AGPS: variants seen among roughly 807,000 people sequenced by gnomAD.
AGPS encodes the protein alkyldihydroxyacetonephosphate synthase, peroxisomal.
AGPS carries 26 observed loss-of-function variants against 90.7 expected under a neutral mutation model. The observed-to-expected ratio is 0.29, with a 90% CI of 0.21 to 0.40. The LOEUF (loss-of-function observed/expected upper bound fraction) is 0.40. Ranked by LOEUF, AGPS falls within the 10% of genes least tolerant of loss-of-function variation. AGPS has a pLI of 1.00. For missense variants in AGPS, 540 were observed against 816.1 expected, an observed-to-expected ratio of 0.66 and a Z score of 4.12; for synonymous variants, 294 against 285.3, an observed-to-expected ratio of 1.03 and a Z score of -0.31.
intron 11 of AGPS, among the ~76,000 whole-genome samples, chr2:177,488,216 CT>C (rs772897996): frequency 1.0e-3 from 146 of 143,588 alleles, no homozygotes; most frequent in Non-Finnish European, 1.1e-3. Flanking sequence ...CTTTTTTGAA[CT>C]TTTTTTTTTT....
chr2:177,432,175 C>T (rs1686262898), intron 2 of AGPS, among the ~76,000 whole-genome samples: 1 of 152,152 alleles, frequency 6.6e-6, no homozygotes, highest in Admixed American at 6.5e-5. Flanking sequence ...TTTTTTCTTT[C>T]CATGTAGAAT....
chr2:177,393,142 A>G, intron 1 of AGPS, 93 bp downstream of exon 1: 5 of 1,549,074 alleles, frequency 3.2e-6, no homozygotes, highest in Non-Finnish European at 4.4e-6. Context: ...GGGAAGTGAC[A>G]CGGGTGGGCG....
At chr2:177,522,972 C>A (rs1398865537) in intron 18 of AGPS, among the ~76,000 whole-genome samples, 1 of 152,150 alleles carries the variant, frequency 6.6e-6, no homozygotes, top group Non-Finnish European at 1.5e-5. Context: ...TTTTACAGTG[C>A]TCTTTAGTCA....
At chr2:177,441,540 G>A (rs1231864458) in intron 6 of AGPS, 1 of 154,700 alleles carries the variant, frequency 6.5e-6, no homozygotes, top group Non-Finnish European at 1.4e-5. Flanking sequence ...AAATGACTGT[G>A]ACAAGCAAAT....
intron 9 of AGPS, among the ~76,000 whole-genome samples, chr2:177,463,490 A>T (rs902756006): frequency 6.6e-6 from 1 of 152,178 alleles, no homozygotes; most frequent in Admixed American, 6.5e-5. Context: ...GGAGCTATTT[A>T]GCTTTGCTTT....
In AGPS at chr2:177,440,998, T is replaced by C; in HGVS notation, c.671T>C (p.Leu224Pro). The part of the protein sequence containing the change: ...CHDDVVKIVN[L>P]ACKYNLCIIP... Reference sequence around the variant, plus strand: ...GATGATGTAGTTAAGATTGTGAATCTAGCTTGCAAATATAATCTTTGTATC... The same window carrying C: ...GATGATGTAGTTAAGATTGTGAATCCAGCTTGCAAATATAATCTTTGTATC... The change falls in exon 6 of 20, where the codon CTA becomes CCA. Residue 224 changes from leucine to proline, a missense_variant. This residue lies in a region of AGPS where 405 missense variants were observed against 692.1 expected (regional missense o/e 0.59). Transcript: ENST00000264167. 1 of 1,613,072 alleles carries C rather than the reference T, an allele frequency of 6.2e-7. No homozygotes were observed. Among genetic ancestry groups the C allele is most frequent in the Non-Finnish European group, 8.5e-7 (1 of 1,179,388 alleles).
rs550935182 is a variant in AGPS at position 177,461,713 on chromosome 2, T to TA, written c.871-173dup. ...TAACATTTTCCACTAGGCAAAAGCT[T>TA]AAAAAAATTTTTAGGACTAGTGTGA... On this transcript the variant is annotated intron_variant, in intron 8 of 19. Coordinates refer to ENST00000264167, the MANE Select transcript of AGPS (RefSeq NM_003659.4). 9.2e-5 allele frequency among the ~76,000 whole-genome samples: 14 copies of TA among 151,738 alleles called. No homozygotes were observed. The South Asian group carries it at 1.9e-3, about 20-fold the overall frequency.
chr2:177,482,991 A>G (rs1176220906), intron 11 of AGPS, among the ~76,000 whole-genome samples: 1 of 151,940 alleles, frequency 6.6e-6, no homozygotes, highest in African/African-American at 2.4e-5. Flanking sequence ...TCTTTCTTCA[A>G]ACTCCTGAAA....
intron 1 of AGPS, among the ~76,000 whole-genome samples, chr2:177,396,680 A>T (rs1358758213): frequency 1.3e-5 from 2 of 152,228 alleles, no homozygotes; most frequent in Non-Finnish European, 2.9e-5. Flanking sequence ...TTAAACTAAG[A>T]TGATGGCAAT....
chr2:177,489,872 C>G (rs1033538370), intron 11 of AGPS, among the ~76,000 whole-genome samples: 1 of 152,178 alleles, frequency 6.6e-6, no homozygotes, highest in East Asian at 1.9e-4. Flanking sequence ...TATTCCCTCT[C>G]AGGTTAGTTT....
chr2:177,415,850 A>G (rs1685770997), intron 1 of AGPS, among the ~76,000 whole-genome samples: 1 of 152,064 alleles, frequency 6.6e-6, no homozygotes, highest in Non-Finnish European at 1.5e-5. Context: ...CTAGGAAATC[A>G]CAATATTATC....
chr2:177,398,372 A>G (rs1037002018), intron 1 of AGPS, among the ~76,000 whole-genome samples: 1 of 152,228 alleles, frequency 6.6e-6, no homozygotes, highest in Non-Finnish European at 1.5e-5. Flanking sequence ...GCTTATGTAC[A>G]TTATGTCATT....
intron 1 of AGPS, among the ~76,000 whole-genome samples, chr2:177,418,796 CAAA>C (rs774998559): frequency 7.5e-6 from 1 of 132,960 alleles, no homozygotes. Flanking sequence ...GTTTTGGCAC[CAAA>C]AAAAAAAAAA....
intron 2 of AGPS, among the ~76,000 whole-genome samples, chr2:177,424,010 C>T (rs527326904): frequency 4.6e-5 from 7 of 152,116 alleles, no homozygotes; most frequent in Admixed American, 3.3e-4. Flanking sequence ...CATAGCTAAA[C>T]GTGTGACATG....
intron 1 of AGPS, among the ~76,000 whole-genome samples, chr2:177,401,057 T>C (rs1305476778): frequency 6.6e-6 from 1 of 152,230 alleles, no homozygotes; most frequent in Non-Finnish European, 1.5e-5. Context: ...CCAGTAGAGC[T>C]TTCTGTGATA....
At chr2:177,482,957 T>A (rs1573998728) in intron 11 of AGPS, among the ~76,000 whole-genome samples, 1 of 152,180 alleles carries the variant, frequency 6.6e-6, no homozygotes, top group East Asian at 1.9e-4. Flanking sequence ...GTCAAGGGAA[T>A]GTACTCTAGC....
rs896912370 is a variant in AGPS at position 177,528,964 on chromosome 2, T to C, written c.1855+5159T>C. ...TCTGCCTCCCGGGTTCAAGCTATTC[T>C]CCTGCCTCAGCCTCCCGAGTAGCTG... On this transcript the variant is annotated intron_variant, in intron 19 of 19. Coordinates refer to ENST00000264167, the MANE Select transcript of AGPS (RefSeq NM_003659.4). 6.7e-5 allele frequency among the ~76,000 whole-genome samples: 10 copies of C among 148,716 alleles called. No individual in the cohort carries two copies. The East Asian group carries it at 2.1e-3, about 31-fold the overall frequency.
At chr2:177,443,389 T>G (rs1686671950) in intron 7 of AGPS, among the ~76,000 whole-genome samples, 1 of 152,228 alleles carries the variant, frequency 6.6e-6, no homozygotes, top group African/African-American at 2.4e-5. Flanking sequence ...TGTTATAGAC[T>G]TTTGAAGAAA....
At chr2:177,404,034 T>C (rs1240126379) in intron 1 of AGPS, among the ~76,000 whole-genome samples, 1 of 152,146 alleles carries the variant, frequency 6.6e-6, no homozygotes, top group African/African-American at 2.4e-5. Context: ...TGGACAGAAA[T>C]AAGGAACGAT....
Sources: gnomAD v4.1 joint callset for allele counts (sites outside exome capture counted in the v4.1 genomes callset) on GRCh38, gnomAD v4.1.1 for gene constraint, gnomAD v4.1.1 regional missense constraint, MANE v1.5 for transcripts, NCBI Gene and HGNC (gene_info 2026-07-23, HGNC 2026-07-21) for gene names.